CHN1: variants seen among roughly 807,000 people sequenced by gnomAD.
CHN1 encodes the protein chimerin 1, also known as N-chimaerin.
A neutral mutation model predicts 59.5 loss-of-function variants in CHN1; 37 were observed. The observed-to-expected ratio is 0.62, with a 90% confidence interval of 0.48 to 0.82. CHN1 has a LOEUF of 0.82. Ranked by LOEUF, CHN1 falls within the 40% of genes least tolerant of loss-of-function variation. The pLI is 0.00. For missense variants in CHN1, 469 were observed against 571.0 expected (o/e 0.82, Z 1.82); for synonymous variants, 206 against 200.4 (o/e 1.03, Z -0.24).
intron 5 of CHN1, among the ~76,000 whole-genome samples, chr2:174,883,515 T>C (rs1252828463): frequency 1.3e-5 from 2 of 152,082 alleles, no homozygotes; most frequent in African/African-American, 2.4e-5. Context: ...GTAGAGACCA[T>C]CATCCTATAA....
chr2:174,954,908 T>C (rs1690141027), intron 1 of CHN1, among the ~76,000 whole-genome samples: 1 of 152,088 alleles, frequency 6.6e-6, no homozygotes, highest in Non-Finnish European at 1.5e-5. Flanking sequence ...AAAGTAGATC[T>C]ACCATTTGAT....
At chr2:174,854,891 C>T (rs1686848949) in intron 6 of CHN1, among the ~76,000 whole-genome samples, 1 of 152,042 alleles carries the variant, frequency 6.6e-6, no homozygotes, top group South Asian at 2.1e-4. Context: ...AAATTATAAC[C>T]AATAATTTAG....
Position 175,004,947 on chromosome 2 carries a change from C to A in CHN1, c.-35G>T, listed in dbSNP as rs541992973. On this transcript the variant is annotated 5_prime_UTR_variant, in exon 1 of 13. Transcript: ENST00000409900. ...GCTCGCCGCCGCCCGCGAGTCCAGGCGCTCCTCCCAGGCGGGCTAGGGATC... is the reference window on the plus strand; with the variant it reads ...GCTCGCCGCCGCCCGCGAGTCCAGGAGCTCCTCCCAGGCGGGCTAGGGATC... 67 of 1,525,498 alleles carry A rather than the reference C, an allele frequency of 4.4e-5. No individual in the cohort carries two copies. In the South Asian group the frequency reaches 8.2e-4, roughly 19 times the overall value. 94.5% of individuals were successfully genotyped at this position (1,525,498 alleles called of 1,614,324 possible). A position where few individuals can be genotyped will look rare whatever the true frequency, so the allele number is the denominator to read the frequency against.
At chr2:174,895,587 CAG>C (rs757985511) in intron 5 of CHN1, among the ~76,000 whole-genome samples, 7 of 152,018 alleles carry the variant, frequency 4.6e-5, no homozygotes, top group African/African-American at 1.7e-4. Context: ...TTCAGAAAAA[CAG>C]GGGTACAGAA....
chr2:174,894,032 A>G (rs1688133231), intron 5 of CHN1, among the ~76,000 whole-genome samples: 1 of 152,172 alleles, frequency 6.6e-6, no homozygotes, highest in African/African-American at 2.4e-5. Context: ...AACATAGGGG[A>G]AAAACATCAT....
At chr2:174,942,679 T>C (rs1350498282) in intron 3 of CHN1, among the ~76,000 whole-genome samples, 1 of 152,194 alleles carries the variant, frequency 6.6e-6, no homozygotes, top group African/African-American at 2.4e-5. Flanking sequence ...TTACAGTGTA[T>C]ACATGTATCA....
chr2:174,956,990 A>G (rs562366768), intron 1 of CHN1, among the ~76,000 whole-genome samples: 1 of 152,228 alleles, frequency 6.6e-6, no homozygotes, highest in South Asian at 2.1e-4. Flanking sequence ...TTCATCAACC[A>G]TTAAATACAT....
intron 5 of CHN1, among the ~76,000 whole-genome samples, chr2:174,895,225 C>CACAT (rs1688184215): frequency 5.3e-5 from 8 of 150,988 alleles, no homozygotes; most frequent in African/African-American, 1.9e-4. Context: ...CACACACACA[C>CACAT]ACACACACAC....
chr2:174,903,847 C>T (rs950646121), intron 5 of CHN1, among the ~76,000 whole-genome samples: 2 of 151,994 alleles, frequency 1.3e-5, no homozygotes, highest in African/African-American at 4.8e-5. Context: ...AAAGTTAACC[C>T]TTGAGAATAA....
chr2:174,897,443 G>A (rs1311961208), intron 5 of CHN1, among the ~76,000 whole-genome samples: 17 of 150,908 alleles, frequency 1.1e-4, no homozygotes, highest in South Asian at 4.2e-4. Context: ...GTGTGTGTGT[G>A]TATATACGTA....
intron 1 of CHN1, among the ~76,000 whole-genome samples, chr2:174,959,292 G>A (rs1690321441): frequency 6.6e-6 from 1 of 152,144 alleles, no homozygotes; most frequent in South Asian, 2.1e-4. Flanking sequence ...AATTATTTTG[G>A]CCTTTCTTAT....
intron 8 of CHN1, among the ~76,000 whole-genome samples, chr2:174,815,251 C>A (rs2105387983): frequency 6.6e-6 from 1 of 152,094 alleles, no homozygotes; most frequent in East Asian, 1.9e-4. Flanking sequence ...GTGGTGTGCG[C>A]CTGTAGTTCC....
Position 174,977,018 on chromosome 2 carries a change from T to C in CHN1, c.20-24816A>G, listed in dbSNP as rs2359538. Among the ~76,000 whole-genome samples the C allele has an allele frequency of 5.5e-3, 834 of 152,362 alleles. 7 individuals carry two copies. The highest frequency in any genetic ancestry group is 0.019 in the African/African-American group (786 of 41,584). The stretch of plus-strand genomic sequence containing the variant: ...AATGACTATGTGAGTTTGAATACTA[T>C]TTCTCCTTCTGTCCTTAGACACATT... On this transcript the variant is annotated intron_variant, in intron 1 of 12. Transcript: ENST00000409900.
intron 6 of CHN1, among the ~76,000 whole-genome samples, chr2:174,868,513 A>C (rs777617093): frequency 1.3e-5 from 2 of 152,212 alleles, no homozygotes; most frequent in African/African-American, 4.8e-5. Context: ...CGTGCATTGA[A>C]ATCAGTTACT....
chr2:174,918,678 A>G (rs1464817541), intron 3 of CHN1, 113 bp from the exon 4 acceptor site: 1 of 839,540 alleles, frequency 1.2e-6, no homozygotes, highest in Non-Finnish European at 1.8e-6. Context: ...AAGAATTCAA[A>G]TAACAGAGTA....
chr2:174,906,274 T>C (rs997124985), intron 5 of CHN1, among the ~76,000 whole-genome samples: 1 of 152,194 alleles, frequency 6.6e-6, no homozygotes, highest in African/African-American at 2.4e-5. Flanking sequence ...TATTATTCAT[T>C]AGTAAAAAGG....
At chr2:174,930,765 C>T (rs1237150234) in intron 3 of CHN1, among the ~76,000 whole-genome samples, 2 of 151,412 alleles carry the variant, frequency 1.3e-5, no homozygotes, top group African/African-American at 2.4e-5. Context: ...TTTACTATAG[C>T]TGATTTTTTT....
intron 3 of CHN1, among the ~76,000 whole-genome samples, chr2:174,932,434 CG>C (rs1689376599): frequency 6.6e-6 from 1 of 152,118 alleles, no homozygotes. Context: ...GTCAAATTGA[CG>C]TAAGTATCTA....
chr2:174,817,823 G>A (rs374656293), intron 8 of CHN1, among the ~76,000 whole-genome samples: 1 of 152,170 alleles, frequency 6.6e-6, no homozygotes, highest in African/African-American at 2.4e-5. Flanking sequence ...ATTTTTAGTA[G>A]AGACGGAGTT....
Sources: allele counts gnomAD v4.1 joint callset (sites outside exome capture counted in the v4.1 genomes callset), GRCh38; gene constraint gnomAD v4.1.1; transcripts MANE v1.5; gene names NCBI Gene and HGNC (gene_info 2026-07-23, HGNC 2026-07-21).